The following GABRR3 variants were observed in gnomAD, a reference collection of about 807,000 sequenced individuals.
The protein encoded by GABRR3 is gamma-aminobutyric acid type A receptor subunit rho3, also known as gamma-aminobutyric acid receptor subunit rho-3.
A neutral mutation model predicts 43.2 loss-of-function variants in GABRR3; 29 were observed. That is an observed-to-expected ratio of 0.67 (90% CI 0.50 to 0.92). The LOEUF is 0.92. Ranked by LOEUF, GABRR3 falls within the 40% of genes least tolerant of loss-of-function variation. The probability of loss-of-function intolerance (pLI) is 0.00; values close to 1 mark genes in which losing one functional copy is unlikely to be tolerated. For synonymous variants in GABRR3, 206 were observed against 195.9 expected, an observed-to-expected ratio of 1.05 and a Z score of -0.43; for missense variants, 576 against 572.3, an observed-to-expected ratio of 1.01 and a Z score of -0.07.
chr3:98,021,458 C>T (rs530453561), intron 3 of GABRR3, among the ~76,000 whole-genome samples: 2 of 152,230 alleles, frequency 1.3e-5, no homozygotes, highest in South Asian at 4.1e-4. Context: ...ACCTCAACTC[C>T]TCATGTAATC....
intron 7 of GABRR3, among the ~76,000 whole-genome samples, chr3:98,006,886 C>G (rs1017291466): frequency 6.6e-6 from 1 of 152,096 alleles, no homozygotes; most frequent in African/African-American, 2.4e-5. Flanking sequence ...AGAAATATAT[C>G]TGTCATAGTA....
intron 3 of GABRR3, among the ~76,000 whole-genome samples, chr3:98,018,458 A>G (rs1178976373): frequency 1.3e-5 from 2 of 152,204 alleles, no homozygotes; most frequent in African/African-American, 4.8e-5. Context: ...TGTACAGTTG[A>G]GTCACCCAGA....
At chr3:97,986,883 T>G in exon 10 of GABRR3, 1 of 1,611,920 alleles carries the variant, frequency 6.2e-7, no homozygotes, top group Non-Finnish European at 8.5e-7. Flanking sequence ...TCTTCTGAGT[T>G]TAGAGAGAGG....
intron 2 of GABRR3, 199 bp downstream of exon 2, chr3:98,034,664 A>G (rs62263061): frequency 4.8e-6 from 1 of 207,528 alleles, no homozygotes; most frequent in African/African-American, 2.4e-5. Flanking sequence ...TACAAATGTC[A>G]GCAAATTCCA....
chr3:97,985,918 G>A (rs1285023930), downstream of GABRR3, among the ~76,000 whole-genome samples: 1 of 151,886 alleles, frequency 6.6e-6, no homozygotes, highest in Non-Finnish European at 1.5e-5. Flanking sequence ...CCAGGCTAGA[G>A]TGCAGTGGCT....
At chr3:98,011,335 A>C (rs1000845410) in intron 5 of GABRR3, among the ~76,000 whole-genome samples, 2 of 152,260 alleles carry the variant, frequency 1.3e-5, no homozygotes, top group Admixed American at 1.3e-4. Context: ...GGAGGCCAGA[A>C]CTCTGAAATC....
chr3:98,031,844 T>A (rs1029299759), intron 2 of GABRR3, among the ~76,000 whole-genome samples: 1 of 152,178 alleles, frequency 6.6e-6, no homozygotes, highest in Non-Finnish European at 1.5e-5. Flanking sequence ...GTAGTTGTAG[T>A]CTCTGCCACT....
At chr3:98,011,226 C>T (rs548170295) in intron 5 of GABRR3, among the ~76,000 whole-genome samples, 7 of 152,296 alleles carry the variant, frequency 4.6e-5, no homozygotes, top group South Asian at 4.1e-4. Context: ...GTATTTTTAA[C>T]GAGCAAAAAT....
chr3:97,989,685 G>T (rs1267932281), intron 9 of GABRR3, among the ~76,000 whole-genome samples: 2 of 152,022 alleles, frequency 1.3e-5, no homozygotes, highest in East Asian at 3.9e-4. Context: ...GTTTAGCTCT[G>T]TCCCTTTTGA....
At chr3:98,021,652 A>T (rs1706949653) in intron 3 of GABRR3, among the ~76,000 whole-genome samples, 1 of 152,220 alleles carries the variant, frequency 6.6e-6, no homozygotes, top group African/African-American at 2.4e-5. Context: ...AATTTTATTA[A>T]TTCAGTACCT....
intron 2 of GABRR3, among the ~76,000 whole-genome samples, chr3:98,026,609 T>TCATCATCATTAGCAG (rs759401327): frequency 7.4e-6 from 1 of 135,958 alleles, no homozygotes; most frequent in African/African-American, 2.5e-5. Flanking sequence ...GCTGTCATCA[T>TCATCATCATTAGCAG]CATCATCATC....
chr3:98,007,964 C>T lies in GABRR3; in HGVS notation c.614-60G>A, dbSNP rs914515882. On this transcript the variant is annotated intron_variant, in intron 6 of 9. Coordinates refer to ENST00000621172, the Ensembl canonical transcript of GABRR3. ...TAAGCTCTTGTAAGCTCAATGAGTT[C>T]TATAACCATGTCTTATGTGGCTCTG... 1.6e-5 allele frequency: 22 copies of T among 1,385,520 alleles called. 1 individual carries two copies. The African/African-American group carries it at 3.2e-4, about 20-fold the overall frequency. 85.8% of individuals were successfully genotyped at this position (1,385,520 alleles called of 1,614,324 possible). A position where few individuals can be genotyped will look rare whatever the true frequency, so the allele number is the denominator to read the frequency against.
intron 7 of GABRR3, among the ~76,000 whole-genome samples, chr3:98,003,788 G>A (rs548501624): frequency 1.3e-5 from 2 of 152,108 alleles, no homozygotes; most frequent in South Asian, 4.2e-4. Flanking sequence ...GCACCCCCTA[G>A]CTACCATAAA....
At chr3:98,018,922 C>T (rs746369595) in intron 3 of GABRR3, among the ~76,000 whole-genome samples, 2 of 151,900 alleles carry the variant, frequency 1.3e-5, no homozygotes, top group Non-Finnish European at 2.9e-5. Context: ...CCAGCTTCAC[C>T]AACATGGTGA....
At chr3:98,005,002 C>T (rs751198895) in intron 7 of GABRR3, among the ~76,000 whole-genome samples, 6 of 151,762 alleles carry the variant, frequency 4.0e-5, no homozygotes, top group Non-Finnish European at 7.4e-5. Flanking sequence ...GTAATCTTTC[C>T]GAAACCTAAC....
chr3:98,013,336 G>C (rs1706831840), intron 4 of GABRR3, among the ~76,000 whole-genome samples: 1 of 152,024 alleles, frequency 6.6e-6, no homozygotes, highest in Non-Finnish European at 1.5e-5. Context: ...CATTATATTA[G>C]AAAAAACAGT....
intron 2 of GABRR3, among the ~76,000 whole-genome samples, chr3:98,028,549 C>T (rs1707049231): frequency 6.6e-6 from 1 of 152,112 alleles, no homozygotes; most frequent in Admixed American, 6.6e-5. Flanking sequence ...GTAATGATCT[C>T]TTTGTACCCA....
downstream of GABRR3, among the ~76,000 whole-genome samples, chr3:97,985,618 A>G (rs898297725): frequency 6.6e-6 from 1 of 152,214 alleles, no homozygotes; most frequent in Non-Finnish European, 1.5e-5. Flanking sequence ...TTTTCAGTAC[A>G]TAACACTTAG....
chr3:98,006,072 T>C (rs1270765482), intron 7 of GABRR3, among the ~76,000 whole-genome samples: 1 of 152,044 alleles, frequency 6.6e-6, no homozygotes. Flanking sequence ...CTGATAAATA[T>C]ATGCCTATAT....
Sources: gnomAD v4.1 joint callset for allele counts (sites outside exome capture counted in the v4.1 genomes callset) on GRCh38, gnomAD v4.1.1 for gene constraint, MANE v1.5 for transcripts, NCBI Gene and HGNC (gene_info 2026-07-23, HGNC 2026-07-21) for gene names.